The following RNLS variants were observed in gnomAD, a reference collection of about 807,000 sequenced individuals.
RNLS encodes the protein renalase, FAD dependent amine oxidase, also known as renalase.
Under a neutral mutation model 39.8 loss-of-function variants are expected in RNLS, and 39 were observed. That is an observed-to-expected ratio of 0.98 (90% CI 0.76 to 1.28). The LOEUF (loss-of-function observed/expected upper bound fraction) is 1.28. RNLS is among the 50% of genes most tolerant of loss of function. The pLI is 0.00. For missense variants in RNLS, 410 were observed against 413.3 expected, an observed-to-expected ratio of 0.99 and a Z score of 0.07; for synonymous variants, 147 against 150.7, an observed-to-expected ratio of 0.98 and a Z score of 0.18.
In RNLS at chr10:88,542,006, A is replaced by G. The variant is rs76596423; in HGVS notation, c.526+30897T>C. Among the ~76,000 whole-genome samples, 645 of 152,282 alleles carry G rather than the reference A, an allele frequency of 4.2e-3. 22 individuals carry two copies. In the South Asian group the frequency reaches 0.075, roughly 18 times the overall value. ...ATTTCTGGGGGAGAAGGAGAGAGATAAAAGACGCCTTTGCATTTTCCTTGG... is the reference window on the plus strand; with the variant it reads ...ATTTCTGGGGGAGAAGGAGAGAGATGAAAGACGCCTTTGCATTTTCCTTGG... On this transcript the variant is annotated intron_variant, in intron 4 of 6. Transcript: ENST00000331772.
intron 4 of RNLS, among the ~76,000 whole-genome samples, chr10:88,500,331 C>A (rs919965491): frequency 6.6e-6 from 1 of 152,102 alleles, no homozygotes; most frequent in Non-Finnish European, 1.5e-5. Context: ...GAGATTAAGA[C>A]AAAAGATACA....
At chr10:88,234,205 A>G in the RNLS span, among the ~76,000 whole-genome samples, 1 of 151,644 alleles carries the variant, frequency 6.6e-6, no homozygotes, top group Non-Finnish European at 1.5e-5. Context: ...AGAGAGAGAG[A>G]GGAGGCTTTA....
At chr10:88,201,440 T>A in the RNLS span, among the ~76,000 whole-genome samples, 10 of 152,278 alleles carry the variant, frequency 6.6e-5, no homozygotes, top group African/African-American at 2.4e-4. Context: ...ACACTGAGGT[T>A]CCATGGTAAA....
At chr10:88,572,805 C>T (rs773589894) in intron 4 of RNLS, 98 bp downstream of exon 4, 6 of 1,245,382 alleles carry the variant, frequency 4.8e-6, no homozygotes, top group Non-Finnish European at 6.7e-6. Flanking sequence ...TCAATAGAGT[C>T]TATCACTTGT....
intron 4 of RNLS, among the ~76,000 whole-genome samples, chr10:88,473,940 T>C (rs1843676659): frequency 6.6e-6 from 1 of 152,204 alleles, no homozygotes; most frequent in Admixed American, 6.6e-5. Context: ...AGACAGCATG[T>C]TCCAGAATAT....
chr10:88,542,879 G>C (rs1325082114), intron 4 of RNLS, among the ~76,000 whole-genome samples: 1 of 152,074 alleles, frequency 6.6e-6, no homozygotes, highest in East Asian at 1.9e-4. Flanking sequence ...AATAAAAAAT[G>C]CTCCAGGTTC....
chr10:88,212,664 G>A, the RNLS span, among the ~76,000 whole-genome samples: 1 of 152,150 alleles, frequency 6.6e-6, no homozygotes, highest in Admixed American at 6.6e-5. Context: ...TGTTTATCAT[G>A]TAAAATGAGG....
intron 5 of RNLS, among the ~76,000 whole-genome samples, chr10:88,338,345 A>G (rs1230519079): frequency 1.3e-5 from 2 of 152,220 alleles, no homozygotes; most frequent in African/African-American, 4.8e-5. Flanking sequence ...ACTATTTTGT[A>G]GTTTGGTAAG....
At chr10:88,247,068 A>G in the RNLS span, among the ~76,000 whole-genome samples, 2 of 152,188 alleles carry the variant, frequency 1.3e-5, no homozygotes, top group South Asian at 4.2e-4. Context: ...GAGGTGGGAA[A>G]AAATCTTGGT....
chr10:88,213,300 C>T, the RNLS span, among the ~76,000 whole-genome samples: 3 of 151,990 alleles, frequency 2.0e-5, no homozygotes, highest in African/African-American at 4.8e-5. Flanking sequence ...AATGCATCTG[C>T]TTTGTACAGT....
At chr10:88,212,821 A>AAC in the RNLS span, among the ~76,000 whole-genome samples, 1 of 152,200 alleles carries the variant, frequency 6.6e-6, no homozygotes. Context: ...TAGTTGGCAC[A>AAC]TGTCTTGCCC....
chr10:88,528,078 CAGAAA>C (rs1305413733), intron 4 of RNLS, among the ~76,000 whole-genome samples: 1 of 150,818 alleles, frequency 6.6e-6, no homozygotes, highest in Non-Finnish European at 1.5e-5. Flanking sequence ...AAAAAATATT[CAGAAA>C]AGAAAAGAAA....
At chr10:88,385,623 G>C (rs551959196) in intron 4 of RNLS, among the ~76,000 whole-genome samples, 140 of 152,318 alleles carry the variant, frequency 9.2e-4, no homozygotes, top group Non-Finnish European at 1.7e-3. Flanking sequence ...GCCCAGATGG[G>C]AAACCCCAGG....
At chr10:88,395,607 T>C (rs140710656) in intron 4 of RNLS, among the ~76,000 whole-genome samples, 1 of 152,012 alleles carries the variant, frequency 6.6e-6, no homozygotes, top group Non-Finnish European at 1.5e-5. Flanking sequence ...CCTCAGACAT[T>C]TGGGGAACAC....
chr10:88,430,250 A>C (rs1378988171), intron 4 of RNLS, among the ~76,000 whole-genome samples: 1 of 151,826 alleles, frequency 6.6e-6, no homozygotes, highest in East Asian at 1.9e-4. Context: ...TTTCATTTTT[A>C]AATGCTATTA....
intron 4 of RNLS, among the ~76,000 whole-genome samples, chr10:88,428,691 G>T (rs1039142629): frequency 3.3e-5 from 5 of 151,990 alleles, no homozygotes; most frequent in African/African-American, 1.2e-4. Flanking sequence ...TGGGGCAAAT[G>T]CCAAGAGCAC....
At chr10:88,330,447 G>A (rs1055917699) in intron 5 of RNLS, among the ~76,000 whole-genome samples, 4 of 152,034 alleles carry the variant, frequency 2.6e-5, no homozygotes, top group Non-Finnish European at 4.4e-5. Flanking sequence ...TCCTCAAAAT[G>A]AGATAGAATA....
At chr10:88,378,678 C>T (rs2133488547) in intron 4 of RNLS, among the ~76,000 whole-genome samples, 1 of 152,262 alleles carries the variant, frequency 6.6e-6, no homozygotes, top group East Asian at 1.9e-4. Flanking sequence ...TTCTCCCACT[C>T]AGTCTATTAG....
chr10:88,451,198 C>CAGGAAGAA (rs1445669365), intron 4 of RNLS, among the ~76,000 whole-genome samples: 1 of 152,160 alleles, frequency 6.6e-6, no homozygotes, highest in African/African-American at 2.4e-5. Context: ...GTCTGCCTAG[C>CAGGAAGAA]AGGAAGAAAG....
Sources: allele counts gnomAD v4.1 joint callset (sites outside exome capture counted in the v4.1 genomes callset), GRCh38; gene constraint gnomAD v4.1.1; transcripts MANE v1.5; gene names NCBI Gene and HGNC (gene_info 2026-07-23, HGNC 2026-07-21).